Variants in MPG observed in about 807,000 individuals in gnomAD.
MPG encodes DNA-3-methyladenine glycosylase.
In MPG, 33 loss-of-function variants were observed where a neutral mutation model predicts 31.7. The observed-to-expected ratio is 1.04, with a 90% confidence interval of 0.79 to 1.39. MPG has a LOEUF of 1.39. Among genes scored for constraint, MPG ranks in the 40% most tolerant of loss-of-function variants. The pLI is 0.00. For missense variants in MPG, 455 were observed against 415.5 expected (o/e 1.10, Z -0.83); for synonymous variants, 202 against 169.2 (o/e 1.19, Z -1.51).
At chr16:81,001 A>G (rs1445872417) in intron 2 of MPG, among the ~76,000 whole-genome samples, 1 of 152,200 alleles carries the variant, frequency 6.6e-6, no homozygotes, top group African/African-American at 2.4e-5. Context: ...TGTCCAGCAG[A>G]GAAGAGGGTG....
At chr16:78,400 G>C (rs969454988) in intron 1 of MPG, 67 bp downstream of exon 1, 4 of 1,160,168 alleles carry the variant, frequency 3.4e-6, no homozygotes, top group Admixed American at 4.6e-5. Flanking sequence ...AGCGAGCGCG[G>C]CCGCGGGAGC....
chr16:78,345 C>T lies in MPG; in HGVS notation c.24+12C>T. Reference sequence around the variant, plus strand: ...GCAGCGGGGCCCAGGTGAGCGCGCGCCTCGGCCGCCCCGCGGAACAGACGC... The same window carrying T: ...GCAGCGGGGCCCAGGTGAGCGCGCGTCTCGGCCGCCCCGCGGAACAGACGC... On this transcript the variant is annotated intron_variant, in intron 1 of 3. Coordinates refer to ENST00000356432, the MANE Select transcript of MPG (RefSeq NM_001015052.3). 3.2e-6 allele frequency: 4 copies of T among 1,239,508 alleles called. No individual in the cohort carries two copies. Among genetic ancestry groups the T allele is most frequent in the Non-Finnish European group, 4.0e-6 (4 of 992,734 alleles). The allele number at this position is 1,239,508 out of a possible 1,614,324, so 76.8% of individuals were successfully genotyped here.
intron 2 of MPG, among the ~76,000 whole-genome samples, chr16:81,341 G>A (rs1232037960): frequency 6.6e-6 from 1 of 152,170 alleles, no homozygotes; most frequent in Non-Finnish European, 1.5e-5. Context: ...ATGAGAAAAG[G>A]GCTGTGGGAA....
In MPG at chr16:78,322, A is replaced by C. The variant is rs1365673709; in HGVS notation, c.13A>C (p.Ser5Arg). ...CCCGAGCCGCCGGATGCCCGCGCGC[A>C]GCGGGGCCCAGGTGAGCGCGCGCCT... The part of the protein sequence containing the change: MPAR[S>R]GAQFCRRMGQ... Residue 5 changes from serine to arginine, a missense_variant, in exon 1 of 4, where the codon AGC (serine) becomes CGC (arginine). By Grantham distance (110) the Ser-to-Arg change is moderately radical. Coordinates refer to ENST00000356432, the MANE Select transcript of MPG (RefSeq NM_001015052.3). The C allele has an allele frequency of 1.5e-6, 2 of 1,320,484 alleles. No individual in the cohort carries two copies. Among genetic ancestry groups the C allele is most frequent in the Non-Finnish European group, 1.9e-6 (2 of 1,033,364 alleles). 81.8% of individuals were successfully genotyped at this position (1,320,484 alleles called of 1,614,324 possible). A position where few individuals can be genotyped will look rare whatever the true frequency, so the allele number is the denominator to read the frequency against.
At chr16:85,375 C>A in intron 3 of MPG, 26 bp from the exon 4 acceptor site, 1 of 1,573,426 alleles carries the variant, frequency 6.4e-7, no homozygotes, top group East Asian at 2.2e-5. Flanking sequence ...TAGGGAGGCT[C>A]CACTTCCAAA....
chr16:78,130 G>GCCCGC (rs1232986626), upstream of MPG: 36 of 383,222 alleles, frequency 9.4e-5, no homozygotes, highest in African/African-American at 6.2e-4. Flanking sequence ...CCTCCACGTG[G>GCCCGC]CCCGCCCCGC....
In MPG at chr16:79,515, C is replaced by G. The variant is rs1313262122; in HGVS notation, c.115C>G (p.Gln39Glu). ...CGACGCAGCCCAGGCACCTGCAGAG[C>G]AGCCACACAGCTCGTCCGATGCAGC... ...SSDAAQAPAE[Q>E]PHSSSDAAQA... The change falls in exon 2 of 4, where the codon CAG becomes GAG. Residue 39 changes from glutamine (Q) to glutamate (E), a missense_variant. Coordinates refer to ENST00000356432, the MANE Select transcript of MPG (RefSeq NM_001015052.3). The G allele has an allele frequency of 6.2e-7, 1 of 1,612,838 alleles. No homozygotes were observed. The highest frequency in any genetic ancestry group is 1.7e-5 in the Admixed American group (1 of 60,012).
chr16:83,193 C>T lies in MPG; in HGVS notation c.442C>T (p.Pro148Ser), dbSNP rs1898301919. 3 of 1,613,210 alleles carry T rather than the reference C, an allele frequency of 1.9e-6. No homozygotes were observed. Among genetic ancestry groups the T allele is most frequent in the East Asian group, 2.2e-5 (1 of 44,886 alleles). Reference sequence around the variant, plus strand: ...CCGCAACCGAGGCATGTTCATGAAGCCGGGGACCCTGTACGTGTACATCAT... The same window carrying T: ...CCGCAACCGAGGCATGTTCATGAAGTCGGGGACCCTGTACGTGTACATCAT... ...TPRNRGMFMK[P>S]GTLYVYIIYG... The change falls in exon 3 of 4, where the codon CCG becomes TCG. Residue 148 changes from proline (P) to serine (S), a missense_variant. By Grantham distance (74) the Pro-to-Ser change is moderately conservative. Transcript: ENST00000356432.
rs1164582266 is a variant in MPG at position 79,685 on chromosome 16, G to C, written c.285G>C (p.Arg95=). Residue 95 remains arginine, a synonymous_variant, in exon 2 of 4, where the codon CGG becomes CGC. Coordinates refer to ENST00000356432, the MANE Select transcript of MPG (RefSeq NM_001015052.3). ...FFDQPAVPLA[R]AFLGQVLVRR... is the part of the protein sequence containing the mutation. ...ACCAGCCGGCAGTCCCCCTGGCCCG[G>C]GCATTTCTGGGACAGGTAATGTGAA... The C allele has an allele frequency of 6.4e-7, 1 of 1,559,942 alleles. No homozygotes were observed. Among genetic ancestry groups the C allele is most frequent in the Non-Finnish European group, 8.7e-7 (1 of 1,150,884 alleles).
Position 78,298 on chromosome 16 carries a change from C to T in MPG, c.-12C>T. ...GGTCCGAGTCCCACGAAGCCCCGGC[C>T]CGAGCCGCCGGATGCCCGCGCGCAG... On this transcript the variant is annotated 5_prime_UTR_variant, in exon 1 of 4. Transcript: ENST00000356432. 3 of 1,338,760 alleles carry T rather than the reference C, an allele frequency of 2.2e-6. No individual in the cohort carries two copies. The highest frequency in any genetic ancestry group is 2.9e-6 in the Non-Finnish European group (3 of 1,042,846). The allele number at this position is 1,338,760 out of a possible 1,614,324, so 82.9% of individuals were successfully genotyped here.
chr16:83,404 G>A (rs756803272), intron 3 of MPG, 148 bp downstream of exon 3: 2 of 817,538 alleles, frequency 2.4e-6, no homozygotes, highest in Non-Finnish European at 1.9e-6. Flanking sequence ...GGGAGCTCTG[G>A]CTACGCTGAC....
intron 2 of MPG, among the ~76,000 whole-genome samples, 187 bp from the exon 3 acceptor site, chr16:82,865 C>T (rs573728581): frequency 3.3e-5 from 5 of 152,236 alleles, no homozygotes; most frequent in East Asian, 1.9e-4. Flanking sequence ...CAACTGGTGC[C>T]CTCAATAGCC....
In MPG at chr16:85,753, G is replaced by A; in HGVS notation, c.858G>A (p.Val286=). Residue 286 remains valine (V), a synonymous_variant, in exon 4 of 4, where the codon GTG becomes GTA. Transcript: ENST00000356432. ...CCTGGGTCAGTGTGGTCGACAGAGT[G>A]GCTGAGCAGGACACACAGGCCTGAG... The part of the protein sequence containing the change: ...GSPWVSVVDR[V]AEQDTQA 3.3e-6 allele frequency: 5 copies of A among 1,512,146 alleles called. No homozygotes were observed. The highest frequency in any genetic ancestry group is 4.4e-6 in the Non-Finnish European group (5 of 1,129,476). 93.7% of individuals were successfully genotyped at this position (1,512,146 alleles called of 1,614,324 possible).
intron 1 of MPG, chr16:79,218 G>A (rs1206100045): frequency 4.5e-6 from 7 of 1,550,574 alleles, no homozygotes; most frequent in Admixed American, 2.0e-5. Flanking sequence ...AGCAGCAGCC[G>A]TCCATCGTCA....
rs1218239848 is a variant in MPG, at chr16:85,720, G to C, written c.825G>C (p.Arg275=). The part of the protein sequence containing the change: ...WARKPLRFYV[R]GSPWVSVVDR... ...GGAAACCCCTCCGCTTCTATGTCCGGGGCAGCCCCTGGGTCAGTGTGGTCG... is the reference window on the plus strand; with the variant it reads ...GGAAACCCCTCCGCTTCTATGTCCGCGGCAGCCCCTGGGTCAGTGTGGTCG... The change falls in exon 4 of 4, where the codon CGG becomes CGC. Residue 275 remains arginine (R), a synonymous_variant. Coordinates refer to ENST00000356432, the MANE Select transcript of MPG (RefSeq NM_001015052.3). The C allele has an allele frequency of 1.3e-6, 2 of 1,532,028 alleles. No individual in the cohort carries two copies. The highest frequency in any genetic ancestry group is 8.8e-7 in the Non-Finnish European group (1 of 1,136,930). 94.9% of individuals were successfully genotyped at this position (1,532,028 alleles called of 1,614,324 possible).
intron 2 of MPG, 96 bp from the exon 3 acceptor site, chr16:82,956 C>T: frequency 8.9e-7 from 1 of 1,129,116 alleles, no homozygotes; most frequent in Non-Finnish European, 1.3e-6. Flanking sequence ...GCGGCTGACA[C>T]ACCCTGAGCT....
intron 2 of MPG, among the ~76,000 whole-genome samples, chr16:82,591 A>C (rs1898280348): frequency 6.6e-6 from 1 of 152,114 alleles, no homozygotes; most frequent in African/African-American, 2.4e-5. Context: ...GGTTTAGGGG[A>C]CTTCACGGGC....
upstream of MPG, chr16:77,999 G>C (rs1898133951): frequency 4.0e-6 from 1 of 249,720 alleles, no homozygotes; most frequent in Non-Finnish European, 7.7e-6. Flanking sequence ...GAGGGGCGCC[G>C]GGGCACAGTG....
chr16:83,675 A>C (rs941880011), intron 3 of MPG, among the ~76,000 whole-genome samples: 1 of 148,758 alleles, frequency 6.7e-6, no homozygotes, highest in African/African-American at 2.5e-5. Flanking sequence ...CGGGAGGCGG[A>C]GGTTGCAGGG....
Sources: gnomAD v4.1 joint callset for allele counts (sites outside exome capture counted in the v4.1 genomes callset) on GRCh38, gnomAD v4.1.1 for gene constraint, MANE v1.5 for transcripts, NCBI Gene and HGNC (gene_info 2026-07-23, HGNC 2026-07-21) for gene names.